DPP6: variants seen among roughly 807,000 people sequenced by gnomAD.
The protein encoded by DPP6 is A-type potassium channel modulatory protein DPP6.
A neutral mutation model predicts 122.6 loss-of-function variants in DPP6; 69 were observed. The observed-to-expected ratio is 0.56, with a 90% CI of 0.46 to 0.69. DPP6 has a LOEUF of 0.69. Ranked by LOEUF, DPP6 falls within the 30% of genes least tolerant of loss-of-function variation. The pLI, the probability that DPP6 is intolerant of heterozygous loss-of-function variation, is 0.00. For missense variants in DPP6, 928 were observed against 1,116.9 expected, an observed-to-expected ratio of 0.83 and a Z score of 2.41; for synonymous variants, 418 against 433.1, an observed-to-expected ratio of 0.97 and a Z score of 0.43.
chr7:154,144,661 A>G (rs1796004003), intron 1 of DPP6, among the ~76,000 whole-genome samples: 1 of 151,876 alleles, frequency 6.6e-6, no homozygotes, highest in African/African-American at 2.4e-5. Flanking sequence ...GTCCTTCTCA[A>G]AATCCTTGTT....
chr7:154,683,574 G>T (rs1278582038), intron 7 of DPP6, among the ~76,000 whole-genome samples: 2 of 152,128 alleles, frequency 1.3e-5, no homozygotes, highest in African/African-American at 2.4e-5. Flanking sequence ...CCCTACTCCA[G>T]AATGTTCTCC....
chr7:154,108,140 C>T (rs533753925), intron 1 of DPP6, among the ~76,000 whole-genome samples: 43 of 152,252 alleles, frequency 2.8e-4, no homozygotes, highest in Admixed American at 2.2e-3. Context: ...AGATTCATGG[C>T]GCCAAAGGAT....
chr7:154,311,811 T>A (rs926500383), intron 1 of DPP6, among the ~76,000 whole-genome samples: 6 of 152,220 alleles, frequency 3.9e-5, no homozygotes, highest in Admixed American at 2.6e-4. Flanking sequence ...TTTCTCATAC[T>A]TGACTCTTCT....
At position 154,847,917 on chromosome 7, in the gene DPP6, G is replaced by T. The variant is rs186015378; in HGVS notation, c.1667-5863G>T. ...AGATTCCACATATAAGTGAGATCAT[G>T]TGACATTTCTCTTCCTATGCCTGGC... On this transcript the variant is annotated intron_variant, in intron 16 of 25. Coordinates refer to ENST00000377770, the MANE Select transcript of DPP6 (RefSeq NM_130797.4). 7.3e-4 allele frequency among the ~76,000 whole-genome samples: 111 copies of T among 152,270 alleles called. 2 individuals carry two copies. The highest frequency in any genetic ancestry group is 9.3e-4 in the Non-Finnish European group (63 of 68,034).
chr7:153,858,657 T>C, the DPP6 span, among the ~76,000 whole-genome samples: 1 of 152,202 alleles, frequency 6.6e-6, no homozygotes, highest in African/African-American at 2.4e-5. Flanking sequence ...AGCAATTAAA[T>C]CCACTGCTGT....
chr7:153,965,538 A>C (rs1795656166), intron 1 of DPP6, among the ~76,000 whole-genome samples: 1 of 151,940 alleles, frequency 6.6e-6, no homozygotes, highest in Non-Finnish European at 1.5e-5. Context: ...TTTGAGATGG[A>C]GTCTCGCTGT....
the DPP6 span, among the ~76,000 whole-genome samples, chr7:153,872,230 C>T: frequency 6.6e-6 from 1 of 152,162 alleles, no homozygotes; most frequent in African/African-American, 2.4e-5. Context: ...GAAGCTAGAC[C>T]TGCTGGATCA....
intron 1 of DPP6, among the ~76,000 whole-genome samples, chr7:154,102,134 G>A (rs183804080): frequency 3.9e-5 from 6 of 152,048 alleles, no homozygotes; most frequent in Admixed American, 6.6e-5. Flanking sequence ...AGGCTTTATG[G>A]GTGATGGGCC....
chr7:154,248,631 C>T (rs974514293), intron 1 of DPP6, among the ~76,000 whole-genome samples: 6 of 152,080 alleles, frequency 3.9e-5, no homozygotes, highest in African/African-American at 4.8e-5. Context: ...TTTGGGAGGC[C>T]GAGGCAGGTG....
At chr7:153,966,406 T>C (rs1206594405) in intron 1 of DPP6, among the ~76,000 whole-genome samples, 1 of 149,136 alleles carries the variant, frequency 6.7e-6, no homozygotes, top group Non-Finnish European at 1.5e-5. Flanking sequence ...CTGTCAGTGG[T>C]GAAAGAGAGA....
chr7:154,383,357 A>G (rs1393100077), intron 1 of DPP6, among the ~76,000 whole-genome samples: 2 of 152,126 alleles, frequency 1.3e-5, no homozygotes, highest in African/African-American at 2.4e-5. Flanking sequence ...GCCTCTTCAC[A>G]TCTCCTATTT....
chr7:154,461,376 C>G (rs1345251210), intron 2 of DPP6, among the ~76,000 whole-genome samples: 2 of 152,150 alleles, frequency 1.3e-5, no homozygotes, highest in Admixed American at 6.5e-5. Context: ...CTTTTGGGTA[C>G]ATACCTAGCA....
intron 1 of DPP6, among the ~76,000 whole-genome samples, chr7:154,194,704 C>T (rs913909768): frequency 6.6e-6 from 1 of 152,210 alleles, no homozygotes; most frequent in Non-Finnish European, 1.5e-5. Flanking sequence ...ATTGTGGTTT[C>T]GTTCGCACTT....
chr7:154,843,873 G>A (rs1801752254), intron 16 of DPP6, among the ~76,000 whole-genome samples: 1 of 152,184 alleles, frequency 6.6e-6, no homozygotes. Context: ...TGGCCACATG[G>A]CATCAAAGCG....
At position 154,481,344 on chromosome 7, in the gene DPP6, G is replaced by GTGTGTGT. The variant is rs1554564216; in HGVS notation, c.457+6307_457+6308insTGTGTGT. Among the ~76,000 whole-genome samples the GTGTGTGT allele has an allele frequency of 1.3e-3, 41 of 30,872 alleles. No individual in the cohort carries two copies. Among genetic ancestry groups the GTGTGTGT allele is most frequent in the African/African-American group, 2.4e-3 (38 of 15,568 alleles). The allele number at this position is 30,872 out of a possible 152,430, so 20.3% of individuals were successfully genotyped here. The stretch of plus-strand genomic sequence containing the variant: ...CTATACACTTGGAGAGAGAGAGAGA[G>GTGTGTGT]GGGTGTGTGTGTGTGTGTGTGTGTG... On this transcript the variant is annotated intron_variant, in intron 3 of 25. Transcript: ENST00000377770. The surrounding 1 kb of genome is among the most constrained non-coding windows in gnomAD (Gnocchi z 4.2).
intron 12 of DPP6, among the ~76,000 whole-genome samples, chr7:154,800,932 A>G (rs1798321826): frequency 6.6e-6 from 1 of 152,292 alleles, no homozygotes; most frequent in Non-Finnish European, 1.5e-5. Context: ...TTTTTTTCTG[A>G]TATATAATAA....
chr7:154,621,179 G>C (rs776577218), intron 5 of DPP6, among the ~76,000 whole-genome samples: 4 of 152,052 alleles, frequency 2.6e-5, no homozygotes, highest in Admixed American at 6.6e-5. Flanking sequence ...TCATTTATTT[G>C]ATGGTTTTAG....
At chr7:154,313,710 T>TATATATATATATATGC (rs1807138918) in intron 1 of DPP6, among the ~76,000 whole-genome samples, 1 of 16,190 alleles carries the variant, frequency 6.2e-5, no homozygotes, top group African/African-American at 2.3e-4. Flanking sequence ...TATATATATA[T>TATATATATATATATGC]ATATACACAC....
rs141785902 is a variant in DPP6, at chr7:154,528,799, T to G, written c.458-11733T>G. On this transcript the variant is annotated intron_variant, in intron 3 of 25. Transcript: ENST00000377770. ...AAGGCATGAAAACTGTACAAGGGAG[T>G]TGGCCTTTATGCAGATCCCAGGAAG... Among the ~76,000 whole-genome samples the G allele has an allele frequency of 1.3e-4, 20 of 151,894 alleles. No individual in the cohort carries two copies. The East Asian group carries it at 3.5e-3, about 27-fold the overall frequency.
Sources: gnomAD v4.1 joint callset for allele counts (sites outside exome capture counted in the v4.1 genomes callset) on GRCh38, gnomAD v4.1.1 for gene constraint, Gnocchi (gnomAD v3.1) non-coding constraint, MANE v1.5 for transcripts, NCBI Gene and HGNC (gene_info 2026-07-23, HGNC 2026-07-21) for gene names.